Variants in TTC34 observed in about 807,000 individuals in gnomAD.
TTC34 encodes tetratricopeptide repeat domain 34.
A neutral mutation model predicts 40.7 loss-of-function variants in TTC34; 44 were observed. The observed-to-expected ratio is 1.08, with a 90% CI of 0.85 to 1.39. The LOEUF (loss-of-function observed/expected upper bound fraction) is 1.39. Among genes scored for constraint, TTC34 ranks in the 40% most tolerant of loss-of-function variants. The probability of loss-of-function intolerance (pLI) is 0.00; values close to 1 mark genes in which losing one functional copy is unlikely to be tolerated. For missense variants in TTC34, 884 were observed against 838.0 expected (o/e 1.05, Z -0.68); for synonymous variants, 422 against 398.6 (o/e 1.06, Z -0.70).
intron 6 of TTC34, among the ~76,000 whole-genome samples, chr1:2,675,585 C>G: frequency 1.4e-5 from 2 of 145,272 alleles, no homozygotes; most frequent in African/African-American, 2.6e-5. Context: ...ATCTGACGGC[C>G]TGGAACGGCA....
rs1464971616 is a variant in TTC34, at chr1:2,654,252, C to A, written c.2227-8689G>T. Among the ~76,000 whole-genome samples the A allele has an allele frequency of 5.5e-3, 640 of 115,318 alleles. 3 individuals are homozygous for A. The highest frequency in any genetic ancestry group is 8.9e-3 in the Admixed American group (101 of 11,292). 75.7% of individuals were successfully genotyped at this position (115,318 alleles called of 152,430 possible). On this transcript the variant is annotated intron_variant, in intron 6 of 8. Transcript: ENST00000401095. ...ACAGCCTGGAGCAGCACCCACACCA[C>A]CAGGTGAGCATCTGACAGCCTGGAA...
exon 6 of TTC34, chr1:2,783,674 C>T (rs1192405612): frequency 1.9e-6 from 3 of 1,539,278 alleles, no homozygotes; most frequent in African/African-American, 2.7e-5. Context: ...TTCCCCGGCT[C>T]AGCCCGCAGC....
chr1:2,683,555 A>C (rs1354204358), intron 6 of TTC34, among the ~76,000 whole-genome samples: 90 of 93,194 alleles, frequency 9.7e-4, no homozygotes, highest in Non-Finnish European at 1.1e-3. Flanking sequence ...ACCCACAACC[A>C]CAGGTGAGCA....
At chr1:2,756,649 C>T (rs1641515575) in intron 6 of TTC34, among the ~76,000 whole-genome samples, 115 of 148,632 alleles carry the variant, frequency 7.7e-4, no homozygotes, top group South Asian at 1.7e-3. Flanking sequence ...ATCTGACAGC[C>T]TGGAACAGCA....
chr1:2,683,398 GTGAGCATCCGATAGCCT>G (rs1640167310), intron 6 of TTC34, among the ~76,000 whole-genome samples: 1 of 146,230 alleles, frequency 6.8e-6, no homozygotes, highest in Admixed American at 6.8e-5. Context: ...ACACGCCCAG[GTGAGCATCCGATAGCCT>G]GGAACACCAC....
At chr1:2,750,926 C>T (rs1351018775) in intron 6 of TTC34, among the ~76,000 whole-genome samples, 1 of 101,446 alleles carries the variant, frequency 9.9e-6, no homozygotes, top group Non-Finnish European at 1.9e-5. Flanking sequence ...AGCACCCACA[C>T]CTTCAGGCGA....
At position 2,750,404 on chromosome 1, in the gene TTC34, C is replaced by G. The variant is rs1253685773; in HGVS notation, c.2226+33205G>C. Among the ~76,000 whole-genome samples, 11 of 99,530 alleles carry G rather than the reference C, an allele frequency of 1.1e-4. 4 individuals are homozygous for G. The highest frequency in any genetic ancestry group is 2.0e-4 in the African/African-American group (4 of 20,442). 65.3% of individuals were successfully genotyped at this position (99,530 alleles called of 152,430 possible). ...CTGACAGCCTGGAACAGCACGCACA[C>G]CCCCAGGTGCGCACGTGACAGCCTG... On this transcript the variant is annotated intron_variant, in intron 6 of 8. Transcript: ENST00000401095.
At chr1:2,688,087 C>A (rs1030910609) in intron 6 of TTC34, among the ~76,000 whole-genome samples, 8 of 146,712 alleles carry the variant, frequency 5.5e-5, no homozygotes, top group South Asian at 2.2e-4. Context: ...GCACCCTGCA[C>A]CCCCAGGTGC....
intron 2 of TTC34, among the ~76,000 whole-genome samples, chr1:2,799,729 C>G (rs116516557): frequency 0.026 from 3,882 of 152,228 alleles, 165 homozygotes; most frequent in African/African-American, 0.089. Context: ...GGAGCCCAAG[C>G]TCTTGCTCCC....
intron 6 of TTC34, among the ~76,000 whole-genome samples, chr1:2,684,363 T>G (rs796847153): frequency 2.7e-5 from 4 of 149,060 alleles, no homozygotes; most frequent in Admixed American, 1.3e-4. Flanking sequence ...CACCCACAGG[T>G]GAGCATCTGA....
chr1:2,748,475 C>T (rs1641217486), intron 6 of TTC34, among the ~76,000 whole-genome samples: 1 of 151,292 alleles, frequency 6.6e-6, no homozygotes, highest in African/African-American at 2.4e-5. Flanking sequence ...GAAGAGCACC[C>T]CACATCCCCG....
chr1:2,749,845 C>A (rs1247764255), intron 6 of TTC34, among the ~76,000 whole-genome samples: 15 of 86,718 alleles, frequency 1.7e-4, no homozygotes, highest in South Asian at 4.2e-4. Context: ...GCACCCACAC[C>A]CCCAGGTGAA....
At chr1:2,800,082 C>T (rs960509137) in exon 2 of TTC34, 7 of 398,362 alleles carry the variant, frequency 1.8e-5, no homozygotes, top group South Asian at 1.3e-4. Flanking sequence ...CTCGAGGGCC[C>T]GGCTGCATGC....
At chr1:2,698,418 T>G (rs35537872) in intron 6 of TTC34, among the ~76,000 whole-genome samples, 6 of 6,812 alleles carry the variant, frequency 8.8e-4, no homozygotes, top group Admixed American at 3.2e-3. Flanking sequence ...CCCAGGTGAG[T>G]ATCCGACAGC....
chr1:2,685,036 A>AG, intron 6 of TTC34, among the ~76,000 whole-genome samples: 1 of 139,428 alleles, frequency 7.2e-6, no homozygotes, highest in East Asian at 2.1e-4. Flanking sequence ...CAGCACCCAC[A>AG]CCCACAGGTG....
chr1:2,766,036 A>C (rs1306851117), intron 6 of TTC34, among the ~76,000 whole-genome samples: 5 of 32 alleles, frequency 0.16, no homozygotes, highest in East Asian at 0.5. Flanking sequence ...GCGCCCACAC[A>C]CCGAGGTGAG....
intron 1 of TTC34, 121 bp from the exon 2 acceptor site, chr1:2,800,989 C>T (rs1173206514): frequency 1.3e-5 from 5 of 397,750 alleles, no homozygotes; most frequent in African/African-American, 6.2e-5. Context: ...TCAGTGCAGA[C>T]CCCACTGGGT....
intron 6 of TTC34, among the ~76,000 whole-genome samples, chr1:2,687,381 T>C (rs1228040385): frequency 2.2e-5 from 3 of 135,320 alleles, no homozygotes; most frequent in Middle Eastern, 4.2e-3. Flanking sequence ...GGCGAGCATC[T>C]GACAGCCTGG....
chr1:2,792,715 A>T (rs954853291), intron 2 of TTC34, among the ~76,000 whole-genome samples: 1 of 152,166 alleles, frequency 6.6e-6, no homozygotes, highest in Admixed American at 6.5e-5. Flanking sequence ...TAATACACAG[A>T]TTTGGTGCTG....
Sources: gnomAD v4.1 joint callset for allele counts (sites outside exome capture counted in the v4.1 genomes callset) on GRCh38, gnomAD v4.1.1 for gene constraint, MANE v1.5 for transcripts, NCBI Gene and HGNC (gene_info 2026-07-23, HGNC 2026-07-21) for gene names.